The following FAM178B variants were observed in gnomAD, a reference collection of about 807,000 sequenced individuals.
The protein encoded by FAM178B is protein FAM178B.
FAM178B carries 82 observed loss-of-function variants against 91.7 expected under a neutral mutation model. The ratio of observed to expected loss-of-function variants is 0.89; its 90% CI spans 0.75 to 1.07. The LOEUF (loss-of-function observed/expected upper bound fraction) is 1.07, where lower values mean the gene tolerates loss of function less well. Ranked by LOEUF, FAM178B falls within the 50% of genes least tolerant of loss-of-function variation. The pLI is 0.00. For missense variants in FAM178B, 769 were observed against 846.7 expected, an observed-to-expected ratio of 0.91 and a Z score of 1.14; for synonymous variants, 368 against 359.4, an observed-to-expected ratio of 1.02 and a Z score of -0.27.
chr2:96,889,058 C>T (rs559178809), intron 14 of FAM178B, among the ~76,000 whole-genome samples: 59 of 152,284 alleles, frequency 3.9e-4, no homozygotes, highest in African/African-American at 1.1e-3. Flanking sequence ...GTGGTGCCCC[C>T]GCAGGGACCA....
Position 96,905,975 on chromosome 2 carries a change from G to A in FAM178B, c.1563-3268C>T, listed in dbSNP as rs536806824. 6.9e-5 allele frequency among the ~76,000 whole-genome samples: 10 copies of A among 143,980 alleles called. No homozygotes were observed. The South Asian group carries it at 1.8e-3, about 26-fold the overall frequency. The allele number at this position is 143,980 out of a possible 152,430, so 94.5% of individuals were successfully genotyped here. ...CAACCTCTGCCTCCTCGGTTCAAGC[G>A]ATTCTCCTGCCTCAGCCTCCGGAGT... is the stretch of plus-strand genomic sequence containing the variant. On this transcript the variant is annotated intron_variant, in intron 12 of 16. Coordinates refer to ENST00000490605, the MANE Select transcript of FAM178B (RefSeq NM_001122646.3).
At chr2:96,915,614 A>G (rs1485273346) in intron 12 of FAM178B, among the ~76,000 whole-genome samples, 1 of 151,310 alleles carries the variant, frequency 6.6e-6, no homozygotes, top group African/African-American at 2.4e-5. Context: ...TCAGGAGTTC[A>G]AGACCAGCCT....
intron 13 of FAM178B, among the ~76,000 whole-genome samples, chr2:96,897,253 G>C (rs547941191): frequency 6.6e-6 from 1 of 152,230 alleles, no homozygotes; most frequent in South Asian, 2.1e-4. Context: ...TCACTGCAGA[G>C]TCCCCAGAAC....
At chr2:96,905,850 A>ATG (rs1395583402) in intron 12 of FAM178B, among the ~76,000 whole-genome samples, 1 of 25,616 alleles carries the variant, frequency 3.9e-5, no homozygotes, top group African/African-American at 2.0e-4. Context: ...ATATATATAT[A>ATG]TATATATATA....
chr2:96,938,320 C>T (rs1370605291), intron 8 of FAM178B, among the ~76,000 whole-genome samples: 3 of 152,178 alleles, frequency 2.0e-5, no homozygotes, highest in Admixed American at 6.5e-5. Context: ...CTACTAATGG[C>T]GCAGTACCTG....
At chr2:96,970,601 G>C (rs2082204304) in intron 4 of FAM178B, 115 bp downstream of exon 4, 5 of 769,754 alleles carry the variant, frequency 6.5e-6, no homozygotes, top group Non-Finnish European at 1.1e-5. Flanking sequence ...ACACAGGGCA[G>C]GCTGAGTCTG....
intron 12 of FAM178B, 111 bp downstream of exon 12, chr2:96,921,054 G>A: frequency 2.5e-6 from 2 of 814,682 alleles, no homozygotes; most frequent in Non-Finnish European, 4.1e-6. Flanking sequence ...CTGGGGATTA[G>A]AAATTGGGCA....
chr2:96,928,152 C>T (rs1387903806), intron 9 of FAM178B, among the ~76,000 whole-genome samples: 1 of 152,072 alleles, frequency 6.6e-6, no homozygotes, highest in African/African-American at 2.4e-5. Context: ...GAACATCTGC[C>T]CGCCGAGGCG....
chr2:96,881,944 G>A (rs1228665882), intron 14 of FAM178B, among the ~76,000 whole-genome samples: 1 of 152,146 alleles, frequency 6.6e-6, no homozygotes, highest in Non-Finnish European at 1.5e-5. Flanking sequence ...CTTCCTATAA[G>A]GAAGACGTTG....
At chr2:96,956,697 C>T (rs1160656817) in intron 6 of FAM178B, 1 of 152,098 alleles carries the variant, frequency 6.6e-6, no homozygotes, top group Non-Finnish European at 1.5e-5. Context: ...AAATGAAAAC[C>T]TAGCTGTCAG....
rs150622989 is a variant in FAM178B at position 96,972,942 on chromosome 2, C to G, written c.74-336G>C. On this transcript the variant is annotated intron_variant, in intron 1 of 16. Coordinates refer to ENST00000490605, the MANE Select transcript of FAM178B (RefSeq NM_001122646.3). ...AAGCGATTCTCCTGCCTCAGCCTCC[C>G]AAGTAGCTGGGATTACAGACATGCG... 7.4e-4 allele frequency among the ~76,000 whole-genome samples: 112 copies of G among 152,004 alleles called. 2 individuals carry two copies. In the East Asian group the frequency reaches 0.013, roughly 18 times the overall value.
chr2:96,917,565 G>C (rs547098310), intron 12 of FAM178B, among the ~76,000 whole-genome samples: 10 of 152,160 alleles, frequency 6.6e-5, no homozygotes, highest in Non-Finnish European at 1.3e-4. Flanking sequence ...GAATTATTAA[G>C]ACCAAAAAGC....
At chr2:96,929,128 A>G (rs1193313531) in intron 9 of FAM178B, 78 bp downstream of exon 9, 2 of 1,031,620 alleles carry the variant, frequency 1.9e-6, no homozygotes, top group East Asian at 5.2e-5. Flanking sequence ...CCTGTATTCC[A>G]GTTCTGAGTG....
At chr2:96,932,840 T>A (rs2081562897) in intron 8 of FAM178B, among the ~76,000 whole-genome samples, 1 of 148,602 alleles carries the variant, frequency 6.7e-6, no homozygotes, top group East Asian at 2.0e-4. Context: ...CTTAGGAGGC[T>A]GAGGCAGGAG....
chr2:96,967,424 CTG>C, intron 5 of FAM178B, 94 bp downstream of exon 5: 1 of 687,116 alleles, frequency 1.5e-6, no homozygotes, highest in Non-Finnish European at 2.6e-6. Context: ...ACACAAATCA[CTG>C]TACCATGTTG....
intron 5 of FAM178B, among the ~76,000 whole-genome samples, chr2:96,965,385 GCCC>G (rs1312553807): frequency 6.6e-6 from 1 of 151,944 alleles, no homozygotes; most frequent in African/African-American, 2.4e-5. Flanking sequence ...CCCTGATCTT[GCCC>G]CAGGATGCCC....
Position 96,912,823 on chromosome 2 carries a change from C to G in FAM178B, c.1562+8342G>C, listed in dbSNP as rs550121210. ...TGCCCTTCTGAAATCTCCAGGTTGACTGGGCCTTGACTGCCTCCTTCCAGA... is the reference window on the plus strand; with the variant it reads ...TGCCCTTCTGAAATCTCCAGGTTGAGTGGGCCTTGACTGCCTCCTTCCAGA... On this transcript the variant is annotated intron_variant, in intron 12 of 16. Coordinates refer to ENST00000490605, the MANE Select transcript of FAM178B (RefSeq NM_001122646.3). 1.8e-4 allele frequency among the ~76,000 whole-genome samples: 28 copies of G among 152,276 alleles called. No individual in the cohort carries two copies. In the East Asian group the frequency reaches 4.3e-3, roughly 23 times the overall value.
chr2:96,964,216 CAA>C (rs55991315), intron 5 of FAM178B, among the ~76,000 whole-genome samples: 114,783 of 148,936 alleles, frequency 0.77, 45,303 homozygotes, highest in Non-Finnish European at 0.85. Flanking sequence ...AGAAAAACTT[CAA>C]AAAAAAAAAA....
At chr2:96,923,621 G>C in intron 9 of FAM178B, 38 bp from the exon 10 acceptor site, 1 of 1,509,282 alleles carries the variant, frequency 6.6e-7, no homozygotes, top group Non-Finnish European at 9.0e-7. Context: ...GGGAAACCCA[G>C]GAGGGGGCAC....
Sources: allele counts gnomAD v4.1 joint callset (sites outside exome capture counted in the v4.1 genomes callset), GRCh38; gene constraint gnomAD v4.1.1; transcripts MANE v1.5; gene names NCBI Gene and HGNC (gene_info 2026-07-23, HGNC 2026-07-21).